The following CD83 variants were observed in gnomAD, a reference collection of about 807,000 sequenced individuals.
CD83 encodes CD83 molecule, also known as CD83 antigen.
CD83 carries 22 observed loss-of-function variants against 24.6 expected under a neutral mutation model. That is an observed-to-expected ratio of 0.90 (90% CI 0.64 to 1.28). The LOEUF (loss-of-function observed/expected upper bound fraction) is 1.28. Among genes scored for constraint, CD83 ranks in the 50% most tolerant of loss-of-function variants. The probability of loss-of-function intolerance (pLI) is 0.00; values close to 1 mark genes in which losing one functional copy is unlikely to be tolerated. For missense variants in CD83, 253 were observed against 252.8 expected (o/e 1.00, Z -0.01); for synonymous variants, 101 against 103.5 (o/e 0.98, Z 0.14).
At chr6:14,133,489 C>T (rs1757973941) in intron 3 of CD83, among the ~76,000 whole-genome samples, 160 bp from the exon 4 acceptor site, 3 of 152,236 alleles carry the variant, frequency 2.0e-5, no homozygotes, top group Admixed American at 2.0e-4. Context: ...GCGCCGGCTG[C>T]TGCTGTCACC....
In CD83 at chr6:14,131,553, C is replaced by A. The variant is rs764891409; in HGVS notation, c.187C>A (p.Pro63Thr). 11 of 1,613,936 alleles carry A rather than the reference C, an allele frequency of 6.8e-6. No individual in the cohort carries two copies. Among genetic ancestry groups the A allele is most frequent in the Non-Finnish European group, 8.5e-6 (10 of 1,179,984 alleles). Residue 63 changes from proline (P) to threonine (T), a missense_variant, in exon 3 of 5, where the codon CCC (proline) becomes ACC (threonine). Physicochemically the swap from Pro to Thr is conservative, Grantham distance 38. Coordinates refer to ENST00000379153, the MANE Select transcript of CD83 (RefSeq NM_004233.4). ...GGGTGGTGAAGAGAGGATGGAGACA[C>A]CCCAGGAAGACCACCTCAGGGGACA... ...LEGGEERMET[P>T]QEDHLRGQHY...
chr6:14,122,577 AG>A (rs1759693424), intron 2 of CD83, among the ~76,000 whole-genome samples: 1 of 152,334 alleles, frequency 6.6e-6, no homozygotes, highest in Non-Finnish European at 1.5e-5. Flanking sequence ...TAGGACAAAA[AG>A]GAAACATTTC....
At chr6:14,122,801 C>T (rs528060096) in intron 2 of CD83, among the ~76,000 whole-genome samples, 6 of 152,318 alleles carry the variant, frequency 3.9e-5, no homozygotes, top group African/African-American at 1.4e-4. Context: ...CTTCTAAGTC[C>T]CAAATGTGTG....
chr6:14,128,049 A>G (rs530099309), intron 2 of CD83, among the ~76,000 whole-genome samples: 3 of 152,342 alleles, frequency 2.0e-5, no homozygotes, highest in South Asian at 4.1e-4. Flanking sequence ...CAGAGAAGCA[A>G]TGGAACACTT....
At chr6:14,133,021 C>T (rs1209013324) in intron 3 of CD83, among the ~76,000 whole-genome samples, 1 of 152,248 alleles carries the variant, frequency 6.6e-6, no homozygotes, top group Non-Finnish European at 1.5e-5. Flanking sequence ...TGCACCAAAC[C>T]CTTTAACAGC....
chr6:14,126,001 C>T (rs1759800216), intron 2 of CD83, among the ~76,000 whole-genome samples: 1 of 152,166 alleles, frequency 6.6e-6, no homozygotes, highest in Non-Finnish European at 1.5e-5. Context: ...ACCAATTATA[C>T]AGCACTTTTC....
At chr6:14,119,668 A>G (rs1283885964) in intron 2 of CD83, among the ~76,000 whole-genome samples, 2 of 152,228 alleles carry the variant, frequency 1.3e-5, no homozygotes, top group Non-Finnish European at 2.9e-5. Flanking sequence ...CTCCCTTAAT[A>G]ACTTAAGATA....
intron 2 of CD83, among the ~76,000 whole-genome samples, chr6:14,127,739 A>T (rs948711272): frequency 6.6e-6 from 1 of 152,196 alleles, no homozygotes; most frequent in African/African-American, 2.4e-5. Flanking sequence ...CCTTGAGACA[A>T]GTCAGAGTCC....
intron 2 of CD83, 75 bp downstream of exon 2, chr6:14,118,140 T>G: frequency 9.1e-7 from 1 of 1,100,788 alleles, no homozygotes; most frequent in South Asian, 1.5e-5. Context: ...TCCCCTAGGC[T>G]GGCGACCCTC....
At chr6:14,127,040 G>A (rs1002737574) in intron 2 of CD83, among the ~76,000 whole-genome samples, 1 of 151,516 alleles carries the variant, frequency 6.6e-6, no homozygotes, top group Non-Finnish European at 1.5e-5. Context: ...CCAGGCTGGA[G>A]CGCAATGGCA....
Position 14,117,918 on chromosome 6 carries a change from C to G in CD83, c.38-32C>G, listed in dbSNP as rs2113381389. ...CCACGACACCCCCTCCCGTCGGTCG[C>G]TTGCTCACGACGCGCTCTCTCTTTC... On this transcript the variant is annotated intron_variant, in intron 1 of 4. Transcript: ENST00000379153. The surrounding 1 kb of genome is among the most constrained non-coding windows in gnomAD (Gnocchi z 4.6). 6.3e-7 allele frequency: 1 copy of G among 1,593,318 alleles called. No homozygotes were observed. The highest frequency in any genetic ancestry group is 8.5e-7 in the Non-Finnish European group (1 of 1,173,164).
At position 14,131,544 on chromosome 6, in the gene CD83, A is replaced by G; in HGVS notation, c.178A>G (p.Met60Val). 3 of 1,614,068 alleles carry G rather than the reference A, an allele frequency of 1.9e-6. No individual in the cohort carries two copies. Among genetic ancestry groups the G allele is most frequent in the Non-Finnish European group, 2.5e-6 (3 of 1,179,960 alleles). The change falls in exon 3 of 5, where the codon ATG (methionine) becomes GTG (valine). Residue 60 changes from methionine (M) to valine (V), a missense_variant. By Grantham distance (21) the Met-to-Val change is conservative. Coordinates refer to ENST00000379153, the MANE Select transcript of CD83 (RefSeq NM_004233.4). Reference sequence around the variant, plus strand: ...GTTATTGGAGGGTGGTGAAGAGAGGATGGAGACACCCCAGGAAGACCACCT... The same window carrying G: ...GTTATTGGAGGGTGGTGAAGAGAGGGTGGAGACACCCCAGGAAGACCACCT... ...VKLLEGGEER[M>V]ETPQEDHLRG...
Position 14,133,768 on chromosome 6 carries a change from T to C in CD83, c.489+13T>C, listed in dbSNP as rs367551619. The C allele has an allele frequency of 6.7e-7, 1 of 1,502,558 alleles. No individual in the cohort carries two copies. Among genetic ancestry groups the C allele is most frequent in the African/African-American group, 1.5e-5 (1 of 67,770 alleles). 93.1% of individuals were successfully genotyped at this position (1,502,558 alleles called of 1,614,324 possible). A position where few individuals can be genotyped will look rare whatever the true frequency, so the allele number is the denominator to read the frequency against. On this transcript the variant is annotated intron_variant, in intron 4 of 4. Coordinates refer to ENST00000379153, the MANE Select transcript of CD83 (RefSeq NM_004233.4). Reference sequence around the variant, plus strand: ...CATTTTCACTTGTGTAAGTATCTTCTTAAAACATCTTCTCTTATTAAAAGA... The same window carrying C: ...CATTTTCACTTGTGTAAGTATCTTCCTAAAACATCTTCTCTTATTAAAAGA...
rs1275523531 is a variant in CD83 at position 14,133,738 on chromosome 6, C to T, written c.472C>T (p.Leu158Phe). Residue 158 changes from leucine (L) to phenylalanine (F), a missense_variant, in exon 4 of 5, where the codon CTC (leucine) becomes TTC (phenylalanine). By Grantham distance (22) the Leu-to-Phe change is conservative. Transcript: ENST00000379153. Reference sequence around the variant, plus strand: ...GGCTCTGGTTATTTTCTACTTAACACTCATCATTTTCACTTGTGTAAGTAT... The same window carrying T: ...GGCTCTGGTTATTTTCTACTTAACATTCATCATTTTCACTTGTGTAAGTAT... Reference protein sequence around the residue: ...LLALVIFYLTLIIFTCKFARL... With the variant: ...LLALVIFYLTFIIFTCKFARL... 2 of 1,607,690 alleles carry T rather than the reference C, an allele frequency of 1.2e-6. No homozygotes were observed. The highest frequency in any genetic ancestry group is 1.7e-5 in the Admixed American group (1 of 59,880).
In CD83 at chr6:14,135,454, C is replaced by A. The variant is rs951524803; in HGVS notation, c.*218C>A. ...ATAGCATGAGGCCACTGCTGCTTCT[C>A]CATGGCCACCTTTTCAGCGATGTAT... is the stretch of plus-strand genomic sequence containing the variant. On this transcript the variant is annotated 3_prime_UTR_variant, in exon 5 of 5. Coordinates refer to ENST00000379153, the MANE Select transcript of CD83 (RefSeq NM_004233.4). The A allele has an allele frequency of 1.6e-5, 8 of 498,412 alleles. No homozygotes were observed. Among genetic ancestry groups the A allele is most frequent in the Non-Finnish European group, 2.9e-5 (8 of 280,032 alleles). 30.9% of individuals were successfully genotyped at this position (498,412 alleles called of 1,614,324 possible).
Sources: allele counts gnomAD v4.1 joint callset (sites outside exome capture counted in the v4.1 genomes callset), GRCh38; gene constraint gnomAD v4.1.1; non-coding constraint Gnocchi (gnomAD v3.1); transcripts MANE v1.5; gene names NCBI Gene and HGNC (gene_info 2026-07-23, HGNC 2026-07-21).